The following PHF14 variants were observed in gnomAD, a reference collection of about 807,000 sequenced individuals.
PHF14 encodes PHD finger protein 14.
A neutral mutation model predicts 117.9 loss-of-function variants in PHF14; 55 were observed. The observed-to-expected ratio is 0.47, with a 90% CI of 0.38 to 0.58. The LOEUF (loss-of-function observed/expected upper bound fraction) is 0.58. Ranked by LOEUF, PHF14 falls within the 20% of genes least tolerant of loss-of-function variation. The probability of loss-of-function intolerance (pLI) is 0.00; values close to 1 mark genes in which losing one functional copy is unlikely to be tolerated. For synonymous variants in PHF14, 409 were observed against 368.6 expected (o/e 1.11, Z -1.26); for missense variants, 978 against 1,122.2 (o/e 0.87, Z 1.84).
At chr7:11,001,344 T>G (rs1022514765) in intron 4 of PHF14, among the ~76,000 whole-genome samples, 1 of 151,892 alleles carries the variant, frequency 6.6e-6, no homozygotes, top group Non-Finnish European at 1.5e-5. Context: ...CTTTGACTTG[T>G]TTTTTTTCCT....
intron 16 of PHF14, among the ~76,000 whole-genome samples, chr7:11,084,529 G>T (rs1230571524): frequency 6.7e-6 from 1 of 150,358 alleles, no homozygotes. Context: ...AATGCATAAT[G>T]GACTTTTTCT....
At chr7:11,092,724 G>A (rs542714780) in intron 16 of PHF14, among the ~76,000 whole-genome samples, 1 of 152,188 alleles carries the variant, frequency 6.6e-6, no homozygotes, top group African/African-American at 2.4e-5. Context: ...ATGTGAGGAT[G>A]TCATGAGACC....
At chr7:11,047,697 A>G (rs979275662) in intron 13 of PHF14, among the ~76,000 whole-genome samples, 13 of 150,690 alleles carry the variant, frequency 8.6e-5, no homozygotes, top group Non-Finnish European at 1.8e-4. Context: ...TGAGGTAGAG[A>G]ATTGCTTAAA....
rs1258816358 is a variant in PHF14 at position 11,061,792 on chromosome 7, G to A, written c.2483G>A (p.Arg828Lys). 3 of 1,497,070 alleles carry A rather than the reference G, an allele frequency of 2.0e-6. No homozygotes were observed. Among genetic ancestry groups the A allele is most frequent in the Non-Finnish European group, 2.7e-6 (3 of 1,123,250 alleles). 92.7% of individuals were successfully genotyped at this position (1,497,070 alleles called of 1,614,324 possible). A position where few individuals can be genotyped will look rare whatever the true frequency, so the allele number is the denominator to read the frequency against. The change falls in exon 15 of 18, where the codon AGA (arginine) becomes AAA (lysine). Residue 828 changes from arginine (R) to lysine (K), a missense_variant and splice_region_variant. Physicochemically the swap from Arg to Lys is conservative, Grantham distance 26. Transcript: ENST00000634607. Reference sequence around the variant, plus strand: ...GTTTTTTTTTTTGTTTTTTTCCAGAGAACCAGAGGACGAAAACGAAGCTTC... The same window carrying A: ...GTTTTTTTTTTTGTTTTTTTCCAGAAAACCAGAGGACGAAAACGAAGCTTC... ...EPKKIPIRNT[R>K]TRGRKRSFVP...
intron 3 of PHF14, among the ~76,000 whole-genome samples, chr7:10,989,364 A>C (rs562223821): frequency 4.3e-4 from 66 of 152,044 alleles, no homozygotes; most frequent in African/African-American, 1.5e-3. Flanking sequence ...ATAATAAAAC[A>C]TATTTATGAA....
chr7:11,026,411 T>C (rs1783912573), intron 6 of PHF14, among the ~76,000 whole-genome samples: 1 of 152,242 alleles, frequency 6.6e-6, no homozygotes, highest in Non-Finnish European at 1.5e-5. Flanking sequence ...ATTTGTTTTA[T>C]TGTGATACTT....
intron 17 of PHF14, among the ~76,000 whole-genome samples, chr7:11,113,150 A>T (rs1787497546): frequency 6.6e-6 from 1 of 152,090 alleles, no homozygotes; most frequent in African/African-American, 2.4e-5. Flanking sequence ...CCTTTTTTAA[A>T]TATACCTTTT....
chr7:10,984,200 A>C (rs1319547513), intron 3 of PHF14, among the ~76,000 whole-genome samples: 1 of 152,202 alleles, frequency 6.6e-6, no homozygotes, highest in Non-Finnish European at 1.5e-5. Flanking sequence ...AGTTTTACAT[A>C]GCAGTGATTA....
intron 17 of PHF14, among the ~76,000 whole-genome samples, chr7:11,126,130 AATC>A (rs1434751826): frequency 6.6e-6 from 1 of 152,098 alleles, no homozygotes; most frequent in Non-Finnish European, 1.5e-5. Context: ...GTTATTTGTA[AATC>A]ATTTTTCCAA....
chr7:11,106,580 C>G, intron 16 of PHF14: 5 of 983,998 alleles, frequency 5.1e-6, no homozygotes, highest in Non-Finnish European at 6.0e-6. Context: ...AACTCATTGA[C>G]CACAATTTGT....
chr7:11,129,946 A>G (rs894966684), intron 17 of PHF14, among the ~76,000 whole-genome samples: 9 of 152,052 alleles, frequency 5.9e-5, no homozygotes, highest in African/African-American at 2.2e-4. Context: ...CAATAGAATT[A>G]TAAAGGCTAG....
At chr7:11,008,254 C>G (rs1463852760) in intron 4 of PHF14, among the ~76,000 whole-genome samples, 1 of 152,104 alleles carries the variant, frequency 6.6e-6, no homozygotes, top group Non-Finnish European at 1.5e-5. Context: ...TTAGTGTATG[C>G]AAAAAGATAT....
chr7:11,098,572 T>A (rs114500298), intron 16 of PHF14, among the ~76,000 whole-genome samples: 1,664 of 152,290 alleles, frequency 0.011, 30 homozygotes, highest in African/African-American at 0.038. Context: ...GGCCAGAACT[T>A]GAACTCCAGT....
At chr7:11,009,440 C>G (rs1168212247) in intron 4 of PHF14, among the ~76,000 whole-genome samples, 1 of 152,008 alleles carries the variant, frequency 6.6e-6, no homozygotes, top group Admixed American at 6.5e-5. Context: ...ATTAAATGGC[C>G]ATAGAAACAT....
At chr7:11,056,313 A>G (rs1785017154) in intron 14 of PHF14, among the ~76,000 whole-genome samples, 1 of 152,150 alleles carries the variant, frequency 6.6e-6, no homozygotes. Flanking sequence ...CTTATTTTGT[A>G]TATACCATTA....
chr7:11,091,031 G>T (rs1394202645), intron 16 of PHF14, among the ~76,000 whole-genome samples: 2 of 152,174 alleles, frequency 1.3e-5, no homozygotes, highest in African/African-American at 4.8e-5. Flanking sequence ...ATGATGTTAA[G>T]GGGTCCAATG....
At chr7:11,040,860 T>C in intron 12 of PHF14, 85 bp downstream of exon 12, 1 of 627,324 alleles carries the variant, frequency 1.6e-6, no homozygotes, top group South Asian at 3.1e-5. Context: ...CTGCAAATAT[T>C]TGAGAATGAA....
At position 11,028,812 on chromosome 7, in the gene PHF14, G is replaced by A. The variant is rs61996283; in HGVS notation, c.1449G>A (p.Ala483=). ...AAGGTCTGCTTTCAGAGGCAGCGGCGGAAGAGGTAGGTTTATTTAAACCCA... is the reference window on the plus strand; with the variant it reads ...AAGGTCTGCTTTCAGAGGCAGCGGCAGAAGAGGTAGGTTTATTTAAACCCA... ...QKEGLLSEAA[A]EEDIADPFFA... Residue 483 remains alanine, a synonymous_variant, in exon 7 of 18, where the codon GCG becomes GCA. Coordinates refer to ENST00000634607, the MANE Select transcript of PHF14 (RefSeq NM_001007157.2). 5.2e-3 allele frequency: 8,352 copies of A among 1,613,382 alleles called. 50 individuals carry two copies. Among genetic ancestry groups the A allele is most frequent in the South Asian group, 5.8e-3 (524 of 91,020 alleles).
In PHF14 at chr7:11,137,561, A is replaced by G. The variant is rs933435627; in HGVS notation, c.2772+26094A>G. ...TAATATAGTTCTAAAGTTAAACATT[A>G]ATCACTTTTACATTTTAACTTAAAA... On this transcript the variant is annotated intron_variant, in intron 17 of 17. Transcript: ENST00000634607. Among the ~76,000 whole-genome samples the G allele has an allele frequency of 4.7e-5, 7 of 149,512 alleles. No individual in the cohort carries two copies. In the South Asian group the frequency reaches 1.3e-3, roughly 27 times the overall value.
Sources: gnomAD v4.1 joint callset for allele counts (sites outside exome capture counted in the v4.1 genomes callset) on GRCh38, gnomAD v4.1.1 for gene constraint, MANE v1.5 for transcripts, NCBI Gene and HGNC (gene_info 2026-07-23, HGNC 2026-07-21) for gene names.